The following INSR variants were observed in gnomAD, a reference collection of about 807,000 sequenced individuals.
INSR encodes insulin receptor.
In INSR, 67 loss-of-function variants were observed where a neutral mutation model predicts 142.6. That is an observed-to-expected ratio of 0.47 (90% CI 0.39 to 0.58). INSR has a LOEUF of 0.58. INSR is among the 20% of genes least tolerant of loss of function. The pLI is 0.00. For synonymous variants in INSR, 756 were observed against 743.1 expected (o/e 1.02, Z -0.28); for missense variants, 1,248 against 1,833.2 (o/e 0.68, Z 5.83).
chr19:7,293,037 T>C (rs1012075309), intron 1 of INSR, among the ~76,000 whole-genome samples: 1 of 152,122 alleles, frequency 6.6e-6, no homozygotes, highest in African/African-American at 2.4e-5. Flanking sequence ...AGTTTACTCC[T>C]CTGTGAAATG....
At chr19:7,127,164 C>T in intron 15 of INSR, among the ~76,000 whole-genome samples, 1 of 152,158 alleles carries the variant, frequency 6.6e-6, no homozygotes, top group East Asian at 1.9e-4. Context: ...TCCCGAGCGG[C>T]TGGGACTACA....
intron 1 of INSR, among the ~76,000 whole-genome samples, chr19:7,282,800 C>T (rs1031952016): frequency 4.0e-5 from 6 of 151,470 alleles, no homozygotes; most frequent in East Asian, 1.9e-4. Flanking sequence ...GGTGAAACCC[C>T]GTCTCTACTA....
chr19:7,287,373 CTGGT>C (rs1422136720), intron 1 of INSR, among the ~76,000 whole-genome samples: 2 of 151,902 alleles, frequency 1.3e-5, no homozygotes, highest in African/African-American at 4.8e-5. Flanking sequence ...GTTGGTCAGG[CTGGT>C]CTCGAACTCC....
intron 3 of INSR, among the ~76,000 whole-genome samples, chr19:7,177,702 A>ATT (rs71177166): frequency 0.17 from 14,967 of 90,628 alleles, 1,546 homozygotes; most frequent in South Asian, 0.21. Flanking sequence ...CTAATTTTGT[A>ATT]TTTTTTTTTT....
intron 2 of INSR, among the ~76,000 whole-genome samples, chr19:7,187,284 G>A (rs527970026): frequency 2.6e-5 from 4 of 151,762 alleles, no homozygotes; most frequent in Admixed American, 2.0e-4. Context: ...GTTTCACCGT[G>A]TTGGCCAGGC....
intron 2 of INSR, among the ~76,000 whole-genome samples, chr19:7,247,177 C>G (rs778619625): frequency 1.3e-5 from 2 of 152,318 alleles, no homozygotes; most frequent in East Asian, 3.9e-4. Flanking sequence ...CTGAGACACT[C>G]AGTGCTGAGC....
At chr19:7,239,958 G>A (rs924062993) in intron 2 of INSR, among the ~76,000 whole-genome samples, 11 of 152,158 alleles carry the variant, frequency 7.2e-5, no homozygotes, top group African/African-American at 2.4e-4. Flanking sequence ...TTTTTGAGAC[G>A]GAGTCTCACT....
intron 1 of INSR, among the ~76,000 whole-genome samples, chr19:7,270,339 TCACACACACACACACA>T (rs1178953100): frequency 4.2e-5 from 5 of 120,248 alleles, no homozygotes; most frequent in Non-Finnish European, 8.5e-5. Context: ...TCTCTCTCTC[TCACACACACACACACA>T]CACACACACA....
chr19:7,293,826 T>G lies in INSR; in HGVS notation c.66A>C (p.Leu22=). Residue 22 remains leucine, a synonymous_variant, in exon 1 of 22, where the codon CTA becomes CTC. Coordinates refer to ENST00000302850, the MANE Select transcript of INSR (RefSeq NM_000208.4). ...GGTACAGGTGGCCCGCGGCGCCCAG[T>G]AGCAGCGCGGCCACCGCCACCAGCA... ...APLLVAVAAL[L]LGAAGHLYPG... is the part of the protein sequence containing the mutation. 7.5e-7 allele frequency: 1 copy of G among 1,328,180 alleles called. No homozygotes were observed. The highest frequency in any genetic ancestry group is 1.5e-5 in the African/African-American group (1 of 65,444). The allele number at this position is 1,328,180 out of a possible 1,614,324, so 82.3% of individuals were successfully genotyped here. A position where few individuals can be genotyped will look rare whatever the true frequency, so the allele number is the denominator to read the frequency against.
chr19:7,157,469 G>A (rs1196419964), intron 9 of INSR, among the ~76,000 whole-genome samples: 1 of 138,352 alleles, frequency 7.2e-6, no homozygotes, highest in Non-Finnish European at 1.5e-5. Flanking sequence ...TGCTGTGTTG[G>A]CCAGGCTGAT....
In INSR at chr19:7,293,853, C is replaced by T; in HGVS notation, c.39G>A (p.Pro13=). 1 of 1,254,258 alleles carries T rather than the reference C, an allele frequency of 8.0e-7. No individual in the cohort carries two copies. Among genetic ancestry groups the T allele is most frequent in the East Asian group, 3.3e-5 (1 of 29,990 alleles). The allele number at this position is 1,254,258 out of a possible 1,614,324, so 77.7% of individuals were successfully genotyped here. Residue 13 remains proline (P), a synonymous_variant, in exon 1 of 22, where the codon CCG becomes CCA. Transcript: ENST00000302850. ...GCAGCGCGGCCACCGCCACCAGCAG[C>T]GGCGCGGCCGCCGCCCCCCGCCGGC... ...TGGRRGAAAA[P]LLVAVAALLL...
intron 2 of INSR, among the ~76,000 whole-genome samples, chr19:7,244,048 C>T (rs1340886808): frequency 2.0e-5 from 3 of 151,918 alleles, no homozygotes; most frequent in South Asian, 2.1e-4. Context: ...TTGTAGAGGA[C>T]GAAATTGCAC....
At chr19:7,132,684 C>G (rs568203147) in intron 13 of INSR, among the ~76,000 whole-genome samples, 1 of 151,702 alleles carries the variant, frequency 6.6e-6, no homozygotes, top group African/African-American at 2.4e-5. Flanking sequence ...CTCTGCCTCC[C>G]GGGTTCAAGT....
intron 2 of INSR, among the ~76,000 whole-genome samples, chr19:7,262,199 G>A (rs867161747): frequency 3.9e-5 from 6 of 152,152 alleles, no homozygotes; most frequent in Non-Finnish European, 5.9e-5. Context: ...GGCTGGGCGC[G>A]GTAGCTCACG....
intron 9 of INSR, among the ~76,000 whole-genome samples, chr19:7,156,782 CTTTTT>C (rs746400499): frequency 9.5e-5 from 6 of 63,224 alleles, no homozygotes; most frequent in South Asian, 7.2e-4. Context: ...CTATTTCTCT[CTTTTT>C]TTTTTTTTTT....
At chr19:7,133,021 G>C (rs1024971775) in intron 13 of INSR, among the ~76,000 whole-genome samples, 6 of 152,108 alleles carry the variant, frequency 3.9e-5, no homozygotes, top group Non-Finnish European at 7.3e-5. Flanking sequence ...CAGCCCTATG[G>C]GAGGCCGTGA....
intron 14 of INSR, among the ~76,000 whole-genome samples, chr19:7,131,238 T>C (rs1568433708): frequency 6.6e-6 from 1 of 151,846 alleles, no homozygotes; most frequent in Non-Finnish European, 1.5e-5. Flanking sequence ...TTGAGAGTGG[T>C]GGGTGAGAAG....
chr19:7,143,368 C>A (rs936229903), intron 11 of INSR, among the ~76,000 whole-genome samples: 1 of 152,114 alleles, frequency 6.6e-6, no homozygotes, highest in African/African-American at 2.4e-5. Context: ...ATATTCCCCT[C>A]GACATGCTCG....
At chr19:7,284,502 C>A (rs528862203) in intron 1 of INSR, among the ~76,000 whole-genome samples, 1 of 152,146 alleles carries the variant, frequency 6.6e-6, no homozygotes, top group South Asian at 2.1e-4. Context: ...AAATGTGGCA[C>A]CAAATAACCA....
Sources: gnomAD v4.1 joint callset for allele counts (sites outside exome capture counted in the v4.1 genomes callset) on GRCh38, gnomAD v4.1.1 for gene constraint, MANE v1.5 for transcripts, NCBI Gene and HGNC (gene_info 2026-07-23, HGNC 2026-07-21) for gene names.